The following GRIP1 variants were observed in gnomAD, a reference collection of about 807,000 sequenced individuals.
GRIP1 encodes glutamate receptor-interacting protein 1.
In GRIP1, 45 loss-of-function variants were observed where a neutral mutation model predicts 129.9. That is an observed-to-expected ratio of 0.35 (90% CI 0.27 to 0.44). GRIP1 has a LOEUF of 0.44. Among genes scored for constraint, GRIP1 ranks in the 20% least tolerant of loss-of-function variants. GRIP1 has a pLI of 1.00. For missense variants in GRIP1, 1,196 were observed against 1,396.8 expected, an observed-to-expected ratio of 0.86 and a Z score of 2.29; for synonymous variants, 530 against 520.8, an observed-to-expected ratio of 1.02 and a Z score of -0.24.
intron 1 of GRIP1, among the ~76,000 whole-genome samples, chr12:66,923,156 C>G (rs140471963): frequency 1.3e-3 from 205 of 152,208 alleles, no homozygotes; most frequent in African/African-American, 4.5e-3. Context: ...TTGATATAAA[C>G]AGTTATCAGG....
At chr12:66,819,929 G>A (rs1406040564) in intron 1 of GRIP1, among the ~76,000 whole-genome samples, 3 of 152,206 alleles carry the variant, frequency 2.0e-5, no homozygotes, top group African/African-American at 4.8e-5. Context: ...AGGAAAGCCT[G>A]TGCTGCAATT....
At chr12:67,005,844 G>C (rs1288928482) in intron 1 of GRIP1, among the ~76,000 whole-genome samples, 1 of 152,142 alleles carries the variant, frequency 6.6e-6, no homozygotes, top group African/African-American at 2.4e-5. Context: ...AACAGAACAA[G>C]GAAGACCTGA....
intron 16 of GRIP1, among the ~76,000 whole-genome samples, chr12:66,405,479 C>T (rs144461941): frequency 1.3e-5 from 2 of 152,190 alleles, no homozygotes; most frequent in Non-Finnish European, 1.5e-5. Context: ...GCTCCTTGCA[C>T]CACAGCTGTG....
Position 66,383,425 on chromosome 12 carries a change from C to T in GRIP1, c.2465-3989G>A, listed in dbSNP as rs1404610599. On this transcript the variant is annotated intron_variant, in intron 19 of 24. Coordinates refer to ENST00000359742, the MANE Select transcript of GRIP1 (RefSeq NM_001366722.1). ...GGTCCTCGATTCTATCAGTGGGTCT[C>T]TGTTCTACTCCTAAGAAGGGAAAAG... is the stretch of plus-strand genomic sequence containing the variant. Among the ~76,000 whole-genome samples the T allele has an allele frequency of 2.6e-5, 4 of 152,190 alleles. No homozygotes were observed. The East Asian group carries it at 7.7e-4, about 29-fold the overall frequency.
intron 1 of GRIP1, among the ~76,000 whole-genome samples, chr12:66,868,566 T>C (rs1025870824): frequency 6.6e-6 from 1 of 152,056 alleles, no homozygotes; most frequent in Non-Finnish European, 1.5e-5. Flanking sequence ...TTCTCATTTT[T>C]CTACCGTGCC....
chr12:66,796,156 A>T (rs2038690786), intron 1 of GRIP1, among the ~76,000 whole-genome samples: 1 of 152,114 alleles, frequency 6.6e-6, no homozygotes, highest in Non-Finnish European at 1.5e-5. Context: ...GAATAGCAAC[A>T]GCAGTCCTGC....
rs2058671846 is a variant in GRIP1, at chr12:66,447,691, G to A, written c.1355-2183C>T. On this transcript the variant is annotated intron_variant, in intron 11 of 24. Coordinates refer to ENST00000359742, the MANE Select transcript of GRIP1 (RefSeq NM_001366722.1). ...CCCTTTCCACCCCCCATGATTTTGT[G>A]CCATGAAAAAATTTGCCTCTTGCTG... 2.0e-5 allele frequency among the ~76,000 whole-genome samples: 3 copies of A among 150,838 alleles called. No homozygotes were observed. The South Asian group carries it at 6.3e-4, about 32-fold the overall frequency.
rs1388682408 is a variant in GRIP1 at position 66,347,791 on chromosome 12, A to C, written c.*1228T>G. The C allele has an allele frequency of 6.6e-6, 1 of 152,218 alleles. No individual in the cohort carries two copies. The highest frequency in any genetic ancestry group is 2.4e-5 in the African/African-American group (1 of 41,468). The allele number at this position is 152,218 out of a possible 1,614,324, so 9.4% of individuals were successfully genotyped here. A position where few individuals can be genotyped will look rare whatever the true frequency, so the allele number is the denominator to read the frequency against. On this transcript the variant is annotated 3_prime_UTR_variant, in exon 25 of 25. Coordinates refer to ENST00000359742, the MANE Select transcript of GRIP1 (RefSeq NM_001366722.1). Reference sequence around the variant, plus strand: ...TTATATTTCCTTAAACAAAGGACACAGTGTTCGAATACTTTGCCTAAGTGG... The same window carrying C: ...TTATATTTCCTTAAACAAAGGACACCGTGTTCGAATACTTTGCCTAAGTGG...
At chr12:66,917,724 T>C (rs1454949780) in intron 1 of GRIP1, among the ~76,000 whole-genome samples, 1 of 152,170 alleles carries the variant, frequency 6.6e-6, no homozygotes, top group Non-Finnish European at 1.5e-5. Flanking sequence ...AAAACATTAT[T>C]TTAATTTCCT....
intron 1 of GRIP1, among the ~76,000 whole-genome samples, chr12:66,958,251 C>A (rs1283631010): frequency 6.6e-6 from 1 of 152,114 alleles, no homozygotes; most frequent in East Asian, 1.9e-4. Context: ...GTGATCCTCC[C>A]TCCTCAGCCT....
At chr12:66,394,095 G>T in intron 17 of GRIP1, 113 bp downstream of exon 17, 2 of 1,094,588 alleles carry the variant, frequency 1.8e-6, no homozygotes, top group Non-Finnish European at 2.8e-6. Flanking sequence ...CCTTTGTGCA[G>T]ATTTTTAAAA....
chr12:66,855,405 T>A (rs891130040), intron 1 of GRIP1, among the ~76,000 whole-genome samples: 1 of 152,000 alleles, frequency 6.6e-6, no homozygotes, highest in Non-Finnish European at 1.5e-5. Flanking sequence ...ACTTTATAGA[T>A]GAGAAAACTT....
At chr12:66,968,070 T>C (rs1392431085) in intron 1 of GRIP1, among the ~76,000 whole-genome samples, 1 of 152,178 alleles carries the variant, frequency 6.6e-6, no homozygotes, top group East Asian at 1.9e-4. Context: ...AATTTGTTAT[T>C]TTGAAATTGT....
At chr12:66,851,052 G>A (rs1050687064) in intron 1 of GRIP1, among the ~76,000 whole-genome samples, 1 of 150,948 alleles carries the variant, frequency 6.6e-6, no homozygotes, top group Non-Finnish European at 1.5e-5. Context: ...TAAATACTCA[G>A]CAAATAGTAG....
chr12:66,349,827 T>A (rs1390552906), intron 24 of GRIP1, among the ~76,000 whole-genome samples: 1 of 110,296 alleles, frequency 9.1e-6, no homozygotes, highest in East Asian at 3.0e-4. Flanking sequence ...ACTAAGAAAA[T>A]TTTTTTAAAA....
intron 1 of GRIP1, among the ~76,000 whole-genome samples, chr12:66,790,237 A>G (rs1266370577): frequency 1.3e-5 from 2 of 152,172 alleles, no homozygotes; most frequent in Non-Finnish European, 2.9e-5. Context: ...CTCCAAGCTA[A>G]TATTTCCAGC....
chr12:66,474,885 T>C (rs1298289102), intron 7 of GRIP1, among the ~76,000 whole-genome samples: 4 of 152,134 alleles, frequency 2.6e-5, no homozygotes, highest in African/African-American at 9.7e-5. Flanking sequence ...TGCCAAATTG[T>C]AAAGACTATC....
intron 7 of GRIP1, among the ~76,000 whole-genome samples, chr12:66,500,024 C>CA (rs1313331202): frequency 1.3e-5 from 2 of 151,990 alleles, no homozygotes; most frequent in African/African-American, 4.8e-5. Flanking sequence ...CAAAAAACCC[C>CA]AAGAAACAGG....
At chr12:66,451,873 CTGAA>C (rs1420646108) in intron 11 of GRIP1, among the ~76,000 whole-genome samples, 1 of 152,194 alleles carries the variant, frequency 6.6e-6, no homozygotes, top group African/African-American at 2.4e-5. Context: ...TCAGGGCTCC[CTGAA>C]TGGTCACTTA....
Sources: gnomAD v4.1 joint callset for allele counts (sites outside exome capture counted in the v4.1 genomes callset) on GRCh38, gnomAD v4.1.1 for gene constraint, MANE v1.5 for transcripts, NCBI Gene and HGNC (gene_info 2026-07-23, HGNC 2026-07-21) for gene names.